The following IQCJ variants were observed in gnomAD, a reference collection of about 807,000 sequenced individuals.
IQCJ encodes the protein IQ motif containing J, also known as IQ domain-containing protein J.
Under a neutral mutation model 11.0 loss-of-function variants are expected in IQCJ, and 9 were observed. That is an observed-to-expected ratio of 0.82 (90% CI 0.49 to 1.43). IQCJ has a LOEUF of 1.43. IQCJ is among the 40% of genes most tolerant of loss of function. IQCJ has a pLI of 0.00. For missense variants in IQCJ, 146 were observed against 133.2 expected, an observed-to-expected ratio of 1.10 and a Z score of -0.47; for synonymous variants, 55 against 51.3, an observed-to-expected ratio of 1.07 and a Z score of -0.31.
At position 159,214,614 on chromosome 3, in the gene IQCJ, C is replaced by T. The variant is rs116277989; in HGVS notation, c.10-31229C>T. 1.2e-3 allele frequency among the ~76,000 whole-genome samples: 183 copies of T among 152,320 alleles called. 1 individual carries two copies. The highest frequency in any genetic ancestry group is 4.3e-3 in the African/African-American group (177 of 41,588). Reference sequence around the variant, plus strand: ...AGGGCAGGATGCTGGCAATGATTTTCCTCCACCCATTCACATATGTTCTAA... The same window carrying T: ...AGGGCAGGATGCTGGCAATGATTTTTCTCCACCCATTCACATATGTTCTAA... On this transcript the variant is annotated intron_variant, in intron 1 of 3. Coordinates refer to ENST00000397832, the MANE Select transcript of IQCJ (RefSeq NM_001042706.3).
intron 1 of IQCJ, among the ~76,000 whole-genome samples, chr3:159,157,153 G>A (rs1427649628): frequency 6.6e-6 from 1 of 152,134 alleles, no homozygotes; most frequent in Non-Finnish European, 1.5e-5. Context: ...TTGTGGAGAG[G>A]AGGAGGAGAC....
chr3:159,258,781 A>C (rs1036071096), intron 3 of IQCJ, among the ~76,000 whole-genome samples: 4 of 152,184 alleles, frequency 2.6e-5, no homozygotes, highest in African/African-American at 4.8e-5. Context: ...ACCAATTATC[A>C]ACTGCACCAA....
intron 1 of IQCJ, among the ~76,000 whole-genome samples, chr3:159,212,446 C>T (rs76426828): frequency 0.033 from 4,972 of 152,176 alleles, 253 homozygotes; most frequent in African/African-American, 0.11. Context: ...AAATATGGAT[C>T]CTGATAAGTA....
chr3:159,160,684 C>G (rs1426554817), intron 1 of IQCJ, among the ~76,000 whole-genome samples: 1 of 109,994 alleles, frequency 9.1e-6, no homozygotes, highest in African/African-American at 3.5e-5. Context: ...CCTTCCCCCT[C>G]CCCCCACCCC....
At chr3:159,199,617 G>T (rs1001593103) in intron 1 of IQCJ, among the ~76,000 whole-genome samples, 1 of 152,042 alleles carries the variant, frequency 6.6e-6, no homozygotes, top group Non-Finnish European at 1.5e-5. Flanking sequence ...GAGGAAAGCT[G>T]GTCTCTATCT....
intron 1 of IQCJ, among the ~76,000 whole-genome samples, chr3:159,234,858 A>G (rs959947384): frequency 2.0e-5 from 3 of 152,152 alleles, no homozygotes; most frequent in Admixed American, 2.0e-4. Flanking sequence ...GTAAATACAT[A>G]AGAAATGCAA....
chr3:159,249,257 A>G (rs1727453044), intron 2 of IQCJ, among the ~76,000 whole-genome samples: 1 of 152,098 alleles, frequency 6.6e-6, no homozygotes, highest in Non-Finnish European at 1.5e-5. Flanking sequence ...ATCTTTCTCA[A>G]CTGTCTTCTC....
At chr3:159,257,026 A>C (rs1053213796) in intron 3 of IQCJ, among the ~76,000 whole-genome samples, 3 of 152,212 alleles carry the variant, frequency 2.0e-5, no homozygotes, top group African/African-American at 7.2e-5. Flanking sequence ...AGCTCATGAG[A>C]GGTAAACTAG....
At chr3:159,254,333 GA>G (rs929457377) in intron 3 of IQCJ, among the ~76,000 whole-genome samples, 1 of 151,902 alleles carries the variant, frequency 6.6e-6, no homozygotes, top group Non-Finnish European at 1.5e-5. Flanking sequence ...ACTAGGCAGA[GA>G]AAAAAAATCT....
chr3:159,163,854 A>G (rs1265798740), intron 1 of IQCJ, among the ~76,000 whole-genome samples: 1 of 152,196 alleles, frequency 6.6e-6, no homozygotes. Flanking sequence ...TGAACACTGC[A>G]TACACTACGC....
chr3:159,077,971 C>T (rs889972360), intron 1 of IQCJ, among the ~76,000 whole-genome samples: 18 of 151,910 alleles, frequency 1.2e-4, no homozygotes, highest in Admixed American at 5.9e-4. Context: ...TAAAACAGGA[C>T]GTGTATCAAC....
At chr3:159,204,653 T>G (rs1293077689) in intron 1 of IQCJ, among the ~76,000 whole-genome samples, 1 of 152,202 alleles carries the variant, frequency 6.6e-6, no homozygotes, top group African/African-American at 2.4e-5. Flanking sequence ...AGAGGGACCA[T>G]AGATTTCCTC....
At chr3:159,232,436 G>A (rs9829189) in intron 1 of IQCJ, among the ~76,000 whole-genome samples, 20,301 of 144,282 alleles carry the variant, frequency 0.14, 1,588 homozygotes, top group Middle Eastern at 0.21. Flanking sequence ...GTGTAGTGCC[G>A]TTTTGAGAGA....
chr3:159,179,109 T>C (rs1444509218), intron 1 of IQCJ, among the ~76,000 whole-genome samples: 1 of 152,190 alleles, frequency 6.6e-6, no homozygotes, highest in Non-Finnish European at 1.5e-5. Context: ...TTATGCAAAC[T>C]GGTGTTAAAT....
At chr3:159,094,813 C>A (rs1717614217) in intron 1 of IQCJ, among the ~76,000 whole-genome samples, 1 of 151,854 alleles carries the variant, frequency 6.6e-6, no homozygotes, top group South Asian at 2.1e-4. Context: ...ATTTTAGAGG[C>A]ATCTTCTTTA....
At chr3:159,219,275 C>T (rs920664372) in intron 1 of IQCJ, among the ~76,000 whole-genome samples, 1 of 152,064 alleles carries the variant, frequency 6.6e-6, no homozygotes, top group African/African-American at 2.4e-5. Flanking sequence ...GGAAATAAAA[C>T]TACAGACTCA....
At chr3:159,214,277 T>C (rs1725103543) in intron 1 of IQCJ, among the ~76,000 whole-genome samples, 2 of 152,194 alleles carry the variant, frequency 1.3e-5, no homozygotes, top group African/African-American at 4.8e-5. Flanking sequence ...AGAATTATTA[T>C]AGACAACTCT....
chr3:159,135,012 G>C (rs1720207359), intron 1 of IQCJ, among the ~76,000 whole-genome samples: 1 of 152,120 alleles, frequency 6.6e-6, no homozygotes, highest in Admixed American at 6.5e-5. Flanking sequence ...TTATATACCA[G>C]GACAGTTTGT....
chr3:159,240,079 ATAGG>A (rs1268156903), intron 1 of IQCJ, among the ~76,000 whole-genome samples: 1 of 152,202 alleles, frequency 6.6e-6, no homozygotes, highest in Non-Finnish European at 1.5e-5. Flanking sequence ...ATTAAAAAAA[ATAGG>A]TAGGAAGTGT....
Sources: allele counts gnomAD v4.1 joint callset (sites outside exome capture counted in the v4.1 genomes callset), GRCh38; gene constraint gnomAD v4.1.1; transcripts MANE v1.5; gene names NCBI Gene and HGNC (gene_info 2026-07-23, HGNC 2026-07-21).